PHC3: variants seen among roughly 807,000 people sequenced by gnomAD.
The protein encoded by PHC3 is polyhomeotic homolog 3, also known as polyhomeotic-like protein 3.
A neutral mutation model predicts 107.4 loss-of-function variants in PHC3; 13 were observed. The observed-to-expected ratio is 0.12, with a 90% confidence interval of 0.08 to 0.19. The LOEUF is 0.19. Ranked by LOEUF, PHC3 falls within the 10% of genes least tolerant of loss-of-function variation. PHC3 has a pLI of 1.00. For missense variants in PHC3, 992 were observed against 1,210.9 expected (o/e 0.82, Z 2.68); for synonymous variants, 456 against 427.4 (o/e 1.07, Z -0.83).
chr3:170,139,404 T>C (rs1723668433), intron 6 of PHC3, among the ~76,000 whole-genome samples: 1 of 152,090 alleles, frequency 6.6e-6, no homozygotes, highest in African/African-American at 2.4e-5. Context: ...AGAAAGACAA[T>C]ATAAAATTTA....
chr3:170,142,634 T>C (rs1199155992), intron 6 of PHC3, among the ~76,000 whole-genome samples: 1 of 152,182 alleles, frequency 6.6e-6, no homozygotes, highest in East Asian at 1.9e-4. Flanking sequence ...CAGAACTTCA[T>C]ACATGTAAAC....
chr3:170,168,022 C>A (rs1560125369), intron 4 of PHC3, among the ~76,000 whole-genome samples: 1 of 151,884 alleles, frequency 6.6e-6, no homozygotes, highest in Non-Finnish European at 1.5e-5. Flanking sequence ...ATGAGCCAGG[C>A]ATAGTGGTGT....
At chr3:170,166,329 C>A (rs1320838003) in intron 4 of PHC3, among the ~76,000 whole-genome samples, 1 of 152,148 alleles carries the variant, frequency 6.6e-6, no homozygotes, top group Non-Finnish European at 1.5e-5. Context: ...CAGGCGTGAG[C>A]CACTGCGCCT....
chr3:170,148,957 C>T (rs922053846), intron 5 of PHC3, 129 bp downstream of exon 5: 9 of 852,004 alleles, frequency 1.1e-5, no homozygotes, highest in Non-Finnish European at 1.6e-5. Context: ...TGAAGGCACG[C>T]CCGCATGCAC....
In PHC3 at chr3:170,106,921, C is replaced by T. The variant is rs1716640626; in HGVS notation, c.2379G>A (p.Glu793=). The T allele has an allele frequency of 6.2e-7, 1 of 1,609,156 alleles. No homozygotes were observed. Among genetic ancestry groups the T allele is most frequent in the East Asian group, 2.2e-5 (1 of 44,710 alleles). The change falls in exon 12 of 15, where the codon GAG becomes GAA. Residue 793 remains glutamate (E), a synonymous_variant. Transcript: ENST00000495893. ...TCCCACAGAATTCACACTTGAGCAA[C>T]TCACTGTCCATTTCTTCTAATGTCT... ...AEETLEEMDS[E]LLKCEFCGKM...
intron 4 of PHC3, among the ~76,000 whole-genome samples, chr3:170,165,264 A>T: frequency 6.6e-6 from 1 of 152,174 alleles, no homozygotes; most frequent in African/African-American, 2.4e-5. Flanking sequence ...ATATTGCATT[A>T]AGGCAGCACA....
At chr3:170,150,720 A>T (rs548880331) in intron 4 of PHC3, 4 of 426,512 alleles carry the variant, frequency 9.4e-6, no homozygotes, top group South Asian at 6.4e-5. Context: ...CTAAAAAGAG[A>T]AAAGAAAAAA....
At chr3:170,175,604 G>A (rs1158688554) in intron 2 of PHC3, among the ~76,000 whole-genome samples, 2 of 148,608 alleles carry the variant, frequency 1.3e-5, no homozygotes, top group Non-Finnish European at 3.0e-5. Context: ...TCCAGCCTAG[G>A]CAACACAGAG....
intron 9 of PHC3, 68 bp downstream of exon 9, chr3:170,122,523 A>G: frequency 1.3e-6 from 2 of 1,537,068 alleles, no homozygotes; most frequent in Non-Finnish European, 1.8e-6. Flanking sequence ...AAGGGAAAAA[A>G]ATCAACTTTT....
chr3:170,107,624 A>AT (rs1716820527), intron 11 of PHC3, among the ~76,000 whole-genome samples: 1 of 152,216 alleles, frequency 6.6e-6, no homozygotes, highest in Non-Finnish European at 1.5e-5. Flanking sequence ...AAAGATGCAT[A>AT]TATCTAATTA....
intron 7 of PHC3, among the ~76,000 whole-genome samples, chr3:170,130,114 G>T (rs1722012770): frequency 6.6e-6 from 1 of 152,032 alleles, no homozygotes; most frequent in African/African-American, 2.4e-5. Context: ...ATCTATACAT[G>T]GTTTGTTCTT....
At chr3:170,164,474 A>G (rs867739146) in intron 4 of PHC3, among the ~76,000 whole-genome samples, 3 of 152,188 alleles carry the variant, frequency 2.0e-5, no homozygotes, top group Non-Finnish European at 4.4e-5. Flanking sequence ...ATACACGCAA[A>G]TAACTTTTAA....
intron 4 of PHC3, among the ~76,000 whole-genome samples, chr3:170,154,437 A>C (rs904240857): frequency 1.3e-5 from 2 of 151,884 alleles, no homozygotes; most frequent in African/African-American, 2.4e-5. Context: ...CTTTTTTTTC[A>C]GTTGGTGATT....
intron 1 of PHC3, 150 bp from the exon 2 acceptor site, chr3:170,179,088 T>G (rs1730985558): frequency 2.8e-6 from 2 of 704,730 alleles, no homozygotes; most frequent in Non-Finnish European, 4.9e-6. Flanking sequence ...TATAAGCACT[T>G]AGAAGGGAAA....
At chr3:170,137,550 A>G (rs1313242905) in intron 6 of PHC3, among the ~76,000 whole-genome samples, 1 of 152,202 alleles carries the variant, frequency 6.6e-6, no homozygotes, top group African/African-American at 2.4e-5. Flanking sequence ...GAAGTGATCA[A>G]GCAAATGATA....
At chr3:170,121,843 G>C (rs766689476) in intron 9 of PHC3, among the ~76,000 whole-genome samples, 1 of 152,172 alleles carries the variant, frequency 6.6e-6, no homozygotes, top group Non-Finnish European at 1.5e-5. Context: ...ACATGAATGT[G>C]AATGAGCATA....
chr3:170,137,323 C>G (rs1040280740), intron 6 of PHC3, among the ~76,000 whole-genome samples: 4 of 152,138 alleles, frequency 2.6e-5, no homozygotes, highest in African/African-American at 9.7e-5. Flanking sequence ...TCCTGCTACA[C>G]TCAGGGCTAT....
intron 12 of PHC3, among the ~76,000 whole-genome samples, chr3:170,104,539 C>G (rs907560077): frequency 2.6e-5 from 4 of 152,144 alleles, no homozygotes; most frequent in Admixed American, 2.6e-4. Flanking sequence ...TCCCAAAGTG[C>G]TGGGATTACA....
intron 3 of PHC3, among the ~76,000 whole-genome samples, 185 bp downstream of exon 3, chr3:170,172,372 C>T (rs572856288): frequency 7.4e-6 from 1 of 135,912 alleles, no homozygotes; most frequent in Non-Finnish European, 1.6e-5. Flanking sequence ...AACAGAGTAA[C>T]ATAAAAAAAC....
Sources: allele counts gnomAD v4.1 joint callset (sites outside exome capture counted in the v4.1 genomes callset), GRCh38; gene constraint gnomAD v4.1.1; transcripts MANE v1.5; gene names NCBI Gene and HGNC (gene_info 2026-07-23, HGNC 2026-07-21).